RBPJ: variants seen among roughly 807,000 people sequenced by gnomAD.
The protein encoded by RBPJ is recombination signal binding protein for immunoglobulin kappa J region.
A neutral mutation model predicts 67.8 loss-of-function variants in RBPJ; 9 were observed. The ratio of observed to expected loss-of-function variants is 0.13; its 90% CI spans 0.08 to 0.23. The LOEUF (loss-of-function observed/expected upper bound fraction) is 0.23. RBPJ is among the 10% of genes least tolerant of loss of function. The probability of loss-of-function intolerance (pLI) is 1.00; values close to 1 mark genes in which losing one functional copy is unlikely to be tolerated. For missense variants in RBPJ, 305 were observed against 595.6 expected (o/e 0.51, Z 5.08); for synonymous variants, 198 against 203.3 (o/e 0.97, Z 0.22).
chr4:26,397,395 T>A lies in RBPJ; in HGVS notation c.60-8780T>A, dbSNP rs16878290. Among the ~76,000 whole-genome samples, 1,214 of 152,302 alleles carry A rather than the reference T, an allele frequency of 8.0e-3. 22 individuals are homozygous for A. The highest frequency in any genetic ancestry group is 0.028 in the African/African-American group (1,167 of 41,552). On this transcript the variant is annotated intron_variant, in intron 2 of 10. Coordinates refer to ENST00000355476, the MANE Select transcript of RBPJ (RefSeq NM_015874.6). The stretch of plus-strand genomic sequence containing the variant: ...AGCTTTCTGAACCCTCAGTTGTTCA[T>A]AAGTCAAGTTTTGAGGAAGAATTTT...
rs1370203566 is a variant in RBPJ at position 26,424,871 on chromosome 4, G to A, written c.747+128G>A. 1.1e-5 allele frequency: 7 copies of A among 618,606 alleles called. No individual in the cohort carries two copies. The African/African-American group carries it at 1.3e-4, about 11-fold the overall frequency. 38.3% of individuals were successfully genotyped at this position (618,606 alleles called of 1,614,324 possible). On this transcript the variant is annotated intron_variant, in intron 7 of 10. Transcript: ENST00000355476. The surrounding 1 kb of genome is among the most constrained non-coding windows in gnomAD (Gnocchi z 5.3). ...CTTTTTAATTTTAAAAGGTATGTTAGTAATCAGTGCTGTTTATAATTGACA... is the reference window on the plus strand; with the variant it reads ...CTTTTTAATTTTAAAAGGTATGTTAATAATCAGTGCTGTTTATAATTGACA...
At chr4:26,154,383 G>C in the RBPJ span, among the ~76,000 whole-genome samples, 1 of 152,164 alleles carries the variant, frequency 6.6e-6, no homozygotes, top group African/African-American at 2.4e-5. Flanking sequence ...GCAGGGTCTG[G>C]CATGTAATAG....
intron 1 of RBPJ, among the ~76,000 whole-genome samples, chr4:26,289,166 G>A (rs1477816323): frequency 6.7e-6 from 1 of 150,328 alleles, no homozygotes; most frequent in Non-Finnish European, 1.5e-5. Context: ...GGAGGCCGAG[G>A]TGGACAGATC....
Position 26,386,457 on chromosome 4 carries a change from GATATT to G in RBPJ, c.59+73_59+77del, listed in dbSNP as rs770909809. 330 of 1,045,176 alleles carry G rather than the reference GATATT, an allele frequency of 3.2e-4. 1 individual carries two copies. Among genetic ancestry groups the G allele is most frequent in the Non-Finnish European group, 4.1e-4 (288 of 708,206 alleles). 64.7% of individuals were successfully genotyped at this position (1,045,176 alleles called of 1,614,324 possible). On this transcript the variant is annotated intron_variant, in intron 2 of 10. Transcript: ENST00000355476. The stretch of plus-strand genomic sequence containing the variant: ...TGAAAGTATAAATCTTATTGTTTTA[GATATT>G]ATATTAATAGGTACCCTTAAAGTCA...
At chr4:26,137,886 G>T in the RBPJ span, among the ~76,000 whole-genome samples, 2 of 152,176 alleles carry the variant, frequency 1.3e-5, no homozygotes, top group African/African-American at 4.8e-5. Context: ...TCAGGGACGG[G>T]CCCCAGTTAG....
intron 2 of RBPJ, among the ~76,000 whole-genome samples, chr4:26,392,951 T>C (rs998627458): frequency 8.5e-5 from 13 of 152,204 alleles, no homozygotes; most frequent in Non-Finnish European, 1.5e-4. Context: ...TTGTTTTGTT[T>C]GAGACGGAGT....
intron 1 of RBPJ, among the ~76,000 whole-genome samples, chr4:26,330,538 A>G (rs1560270501): frequency 6.6e-6 from 1 of 152,250 alleles, no homozygotes; most frequent in Non-Finnish European, 1.5e-5. Flanking sequence ...CATATCATAT[A>G]GAAAACTCAT....
chr4:26,229,505 C>T (rs972344692), intron 1 of RBPJ, among the ~76,000 whole-genome samples: 1 of 152,280 alleles, frequency 6.6e-6, no homozygotes, highest in Non-Finnish European at 1.5e-5. Flanking sequence ...CCCAGTGACC[C>T]CTCCCATCCA....
Position 26,347,886 on chromosome 4 carries a change from A to G in RBPJ, c.20+26838A>G, listed in dbSNP as rs79594911. ...GCACACATTCAGTAATTCTGTGACC[A>G]AGAGGACATTTACCAATTTGATTCT... On this transcript the variant is annotated intron_variant, in intron 1 of 10. Transcript: ENST00000355476. Among the ~76,000 whole-genome samples the G allele has an allele frequency of 3.7e-3, 570 of 152,228 alleles. 3 individuals are homozygous for G. The highest frequency in any genetic ancestry group is 0.013 in the African/African-American group (545 of 41,520).
chr4:26,261,403 C>A (rs187625462), intron 1 of RBPJ, among the ~76,000 whole-genome samples: 2 of 151,166 alleles, frequency 1.3e-5, no homozygotes, highest in South Asian at 2.1e-4. Context: ...GTTATGCCAA[C>A]CAAAAAAGCT....
chr4:26,339,446 C>T (rs958107846), intron 1 of RBPJ, among the ~76,000 whole-genome samples: 6 of 151,900 alleles, frequency 3.9e-5, no homozygotes, highest in Admixed American at 6.6e-5. Flanking sequence ...CTAGCCTGGC[C>T]GACATGGTGA....
At chr4:26,186,847 G>A (rs1180625028) in intron 1 of RBPJ, among the ~76,000 whole-genome samples, 2 of 152,090 alleles carry the variant, frequency 1.3e-5, no homozygotes, top group Admixed American at 1.3e-4. Flanking sequence ...AAATAAAACA[G>A]CTGCATCACT....
At chr4:26,388,271 A>G (rs990267449) in intron 2 of RBPJ, among the ~76,000 whole-genome samples, 7 of 152,108 alleles carry the variant, frequency 4.6e-5, no homozygotes, top group Non-Finnish European at 1.0e-4. Flanking sequence ...AAATGCTGGG[A>G]TTACAGGTGT....
At chr4:26,325,486 C>CTTAAAACCCCTGCCAG (rs1414070671) in intron 1 of RBPJ, among the ~76,000 whole-genome samples, 1 of 152,194 alleles carries the variant, frequency 6.6e-6, no homozygotes, top group African/African-American at 2.4e-5. Flanking sequence ...GTCTCTGGCA[C>CTTAAAACCCCTGCCAG]TTAAAACCCC....
chr4:26,245,151 A>T (rs904754434), intron 1 of RBPJ, among the ~76,000 whole-genome samples: 3 of 150,498 alleles, frequency 2.0e-5, no homozygotes, highest in African/African-American at 7.3e-5. Context: ...ACTATCCATT[A>T]GCAGTCATTC....
the RBPJ span, among the ~76,000 whole-genome samples, chr4:26,156,803 C>T: frequency 6.6e-6 from 1 of 152,168 alleles, no homozygotes; most frequent in South Asian, 2.1e-4. Context: ...GGCACAGTGG[C>T]TCATGCCTAT....
chr4:26,198,122 T>C (rs1717844835), intron 1 of RBPJ, among the ~76,000 whole-genome samples: 1 of 151,976 alleles, frequency 6.6e-6, no homozygotes, highest in African/African-American at 2.4e-5. Context: ...GGCGTGGTGG[T>C]ACATGCCTGT....
At chr4:26,116,264 G>A in the RBPJ span, among the ~76,000 whole-genome samples, 1 of 152,238 alleles carries the variant, frequency 6.6e-6, no homozygotes, top group Non-Finnish European at 1.5e-5. Flanking sequence ...TTAACGGGCA[G>A]GGATGATGTC....
intron 1 of RBPJ, among the ~76,000 whole-genome samples, chr4:26,215,912 G>A (rs1213861118): frequency 6.6e-6 from 1 of 152,176 alleles, no homozygotes; most frequent in African/African-American, 2.4e-5. Flanking sequence ...TTCTAGGGCT[G>A]ATGTAACAAA....
Sources: allele counts gnomAD v4.1 joint callset (sites outside exome capture counted in the v4.1 genomes callset), GRCh38; gene constraint gnomAD v4.1.1; non-coding constraint Gnocchi (gnomAD v3.1); transcripts MANE v1.5; gene names NCBI Gene and HGNC (gene_info 2026-07-23, HGNC 2026-07-21).